Variants in DNPEP observed in about 807,000 individuals in gnomAD.
DNPEP encodes aspartyl aminopeptidase.
Under a neutral mutation model 59.1 loss-of-function variants are expected in DNPEP, and 46 were observed. The ratio of observed to expected loss-of-function variants is 0.78; its 90% CI spans 0.61 to 0.99. The LOEUF (loss-of-function observed/expected upper bound fraction) is 0.99, where lower values mean the gene tolerates loss of function less well. Among genes scored for constraint, DNPEP ranks in the 50% least tolerant of loss-of-function variants. The pLI is 0.00. For synonymous variants in DNPEP, 229 were observed against 242.2 expected, an observed-to-expected ratio of 0.95 and a Z score of 0.50; for missense variants, 617 against 649.9, an observed-to-expected ratio of 0.95 and a Z score of 0.55.
intron 11 of DNPEP, 101 bp from the exon 12 acceptor site, chr2:219,381,685 T>TC: frequency 6.0e-6 from 8 of 1,343,666 alleles, no homozygotes; most frequent in Non-Finnish European, 8.6e-6. Flanking sequence ...CACCACTCTT[T>TC]CCCGCCCAGC....
chr2:219,383,704 G>C (rs1008686409), intron 9 of DNPEP, among the ~76,000 whole-genome samples: 1 of 152,164 alleles, frequency 6.6e-6, no homozygotes, highest in Non-Finnish European at 1.5e-5. Flanking sequence ...GGTTCAAAGA[G>C]GTGACAGACT....
chr2:219,398,106 G>A (rs572512511), intron 1 of DNPEP, among the ~76,000 whole-genome samples: 2 of 152,122 alleles, frequency 1.3e-5, no homozygotes, highest in East Asian at 1.9e-4. Flanking sequence ...TCTGTAAACC[G>A]GTGGAAGATA....
At chr2:219,394,488 G>C (rs890011059) in intron 1 of DNPEP, among the ~76,000 whole-genome samples, 1 of 152,054 alleles carries the variant, frequency 6.6e-6, no homozygotes, top group African/African-American at 2.4e-5. Context: ...TGTTGGCCAG[G>C]CTGGCCTCCA....
chr2:219,399,784 G>T, intron 1 of DNPEP: 1 of 1,148,394 alleles, frequency 8.7e-7, no homozygotes, highest in Non-Finnish European at 1.3e-6. Flanking sequence ...TAATGCCTAA[G>T]CCAGTGCGTG....
intron 1 of DNPEP, chr2:219,387,502 T>C: frequency 1.4e-6 from 2 of 1,438,928 alleles, no homozygotes; most frequent in Non-Finnish European, 1.8e-6. Flanking sequence ...GCGGCCTGCA[T>C]CACGTGCGCG....
Position 219,380,514 on chromosome 2 carries a change from G to A in DNPEP, c.1239+821C>T, listed in dbSNP as rs146813587. 4.0e-3 allele frequency among the ~76,000 whole-genome samples: 601 copies of A among 152,130 alleles called. 6 individuals carry two copies. The highest frequency in any genetic ancestry group is 0.01 in the Middle Eastern group (3 of 294). On this transcript the variant is annotated intron_variant, in intron 13 of 14. Coordinates refer to ENST00000273075, the MANE Select transcript of DNPEP (RefSeq NM_012100.4). ...TGGGATTACAGGTGTGAGCCAACAC[G>A]CCTGGCCTTCTGTACCTTTTCTATG...
At chr2:219,394,754 C>A (rs994547300) in intron 1 of DNPEP, among the ~76,000 whole-genome samples, 1 of 152,142 alleles carries the variant, frequency 6.6e-6, no homozygotes, top group Non-Finnish European at 1.5e-5. Flanking sequence ...TCTCATATAT[C>A]CAATTGTTTT....
In DNPEP at chr2:219,399,370, C is replaced by T; in HGVS notation, c.-158+570G>A. On this transcript the variant is annotated intron_variant, in intron 1 of 6. Transcript: ENST00000434339. The stretch of plus-strand genomic sequence containing the variant: ...GCTTGGAAACTGGCAGGTGTTTAAA[C>T]TCTAAGGCAGTGTTTAGGGTGCGAA... 3 of 452,706 alleles carry T rather than the reference C, an allele frequency of 6.6e-6. No homozygotes were observed. In the Admixed American group the frequency reaches 7.1e-5, roughly 11 times the overall value. The allele number at this position is 452,706 out of a possible 1,614,324, so 28.0% of individuals were successfully genotyped here. A position where few individuals can be genotyped will look rare whatever the true frequency, so the allele number is the denominator to read the frequency against.
chr2:219,388,961 T>C, upstream of DNPEP: 1 of 753,080 alleles, frequency 1.3e-6, no homozygotes, highest in Non-Finnish European at 1.6e-6. Context: ...CAGGTGGGGT[T>C]TGAACTCCAT....
chr2:219,387,185 A>G, intron 1 of DNPEP, 22 bp from the exon 2 acceptor site: 1 of 1,550,398 alleles, frequency 6.4e-7, no homozygotes, highest in Non-Finnish European at 8.7e-7. Context: ...GGATGCTCAG[A>G]CTTTTACAAG....
In DNPEP at chr2:219,381,589, A is replaced by G. The variant is rs1184070649; in HGVS notation, c.1098-5T>C. 3 of 1,613,912 alleles carry G rather than the reference A, an allele frequency of 1.9e-6. No homozygotes were observed. Among genetic ancestry groups the G allele is most frequent in the East Asian group, 4.5e-5 (2 of 44,884 alleles). ...TGGTTCTCCTCATGCTTGTCCCTGT[A>G]AGAGACAGATAAGGGCCAGACATAG... On this transcript the variant is annotated splice_region_variant and splice_polypyrimidine_tract_variant and intron_variant, in intron 11 of 14. Coordinates refer to ENST00000273075, the MANE Select transcript of DNPEP (RefSeq NM_012100.4).
At chr2:219,384,580 T>TC in intron 8 of DNPEP, 137 bp from the exon 9 acceptor site, 1 of 619,920 alleles carries the variant, frequency 1.6e-6, no homozygotes, top group Non-Finnish European at 2.8e-6. Flanking sequence ...GTTTTTTCTT[T>TC]TTTTTGAGAT....
rs1392313620 is a variant in DNPEP, at chr2:219,387,750, G to A, written c.36+9C>T. Reference sequence around the variant, plus strand: ...CGAAATTCAAGTGGGGCCGTCGGGAGCCACTTACCTGCATGGCCCCGCGCG... The same window carrying A: ...CGAAATTCAAGTGGGGCCGTCGGGAACCACTTACCTGCATGGCCCCGCGCG... On this transcript the variant is annotated intron_variant, in intron 1 of 14. Transcript: ENST00000273075. The A allele has an allele frequency of 2.5e-6, 4 of 1,608,066 alleles. No homozygotes were observed. In the African/African-American group the frequency reaches 5.4e-5, roughly 22 times the overall value.
chr2:219,387,492 G>A, intron 1 of DNPEP: 1 of 1,437,226 alleles, frequency 7.0e-7, no homozygotes, highest in Non-Finnish European at 9.2e-7. Context: ...ATACTCTGAG[G>A]CGGCCTGCAT....
At chr2:219,376,673 AC>A (rs1953386990) in intron 13 of DNPEP, among the ~76,000 whole-genome samples, 1 of 152,202 alleles carries the variant, frequency 6.6e-6, no homozygotes, top group Admixed American at 6.5e-5. Flanking sequence ...AAGAAGTTCC[AC>A]TTCACAGAAG....
chr2:219,392,497 T>G (rs6709936), upstream of DNPEP, among the ~76,000 whole-genome samples: 14,765 of 151,958 alleles, frequency 0.097, 1,872 homozygotes, highest in African/African-American at 0.3. Flanking sequence ...ATAGGTGCCC[T>G]CTACCACACC....
At chr2:219,393,967 A>G (rs941878840) in intron 1 of DNPEP, among the ~76,000 whole-genome samples, 6 of 152,062 alleles carry the variant, frequency 3.9e-5, no homozygotes, top group Non-Finnish European at 4.4e-5. Flanking sequence ...TTTCTCCTGC[A>G]TTATCAATCT....
intron 11 of DNPEP, 102 bp from the exon 12 acceptor site, chr2:219,381,686 C>G: frequency 7.5e-7 from 1 of 1,329,592 alleles, no homozygotes; most frequent in Non-Finnish European, 1.1e-6. Context: ...ACCACTCTTT[C>G]CCGCCCAGCC....
intron 1 of DNPEP, among the ~76,000 whole-genome samples, chr2:219,397,325 C>G (rs1042663884): frequency 3.3e-5 from 5 of 150,508 alleles, no homozygotes; most frequent in Non-Finnish European, 7.4e-5. Flanking sequence ...CAAATCAGGG[C>G]ATTTTTTTTT....
Sources: allele counts gnomAD v4.1 joint callset (sites outside exome capture counted in the v4.1 genomes callset), GRCh38; gene constraint gnomAD v4.1.1; transcripts MANE v1.5; gene names NCBI Gene and HGNC (gene_info 2026-07-23, HGNC 2026-07-21).